Variants in DCDC1 observed in about 807,000 individuals in gnomAD.
The protein encoded by DCDC1 is doublecortin domain-containing protein 1.
A neutral mutation model predicts 178.3 loss-of-function variants in DCDC1; 200 were observed. The ratio of observed to expected loss-of-function variants is 1.12; its 90% CI spans 1.00 to 1.26. The LOEUF (loss-of-function observed/expected upper bound fraction) is 1.26, where lower values mean the gene tolerates loss of function less well. Ranked by LOEUF, DCDC1 falls within the 50% of genes most tolerant of loss-of-function variation. The pLI is 0.00. For missense variants in DCDC1, 1,983 were observed against 1,749.2 expected (o/e 1.13, Z -2.38); for synonymous variants, 690 against 604.8 (o/e 1.14, Z -2.07).
At chr11:31,186,133 C>T (rs971956275) in intron 9 of DCDC1, among the ~76,000 whole-genome samples, 3 of 152,080 alleles carry the variant, frequency 2.0e-5, no homozygotes, top group Non-Finnish European at 4.4e-5. Context: ...TTCCACTACA[C>T]TTACAATAAA....
chr11:30,890,316 TGG>T (rs1478397508), intron 36 of DCDC1, among the ~76,000 whole-genome samples: 2 of 152,246 alleles, frequency 1.3e-5, no homozygotes. Flanking sequence ...TCTCTGTCCA[TGG>T]GGCACCTATT....
chr11:31,292,944 G>C (rs969167441), intron 6 of DCDC1, among the ~76,000 whole-genome samples: 2 of 152,068 alleles, frequency 1.3e-5, no homozygotes, highest in Non-Finnish European at 2.9e-5. Flanking sequence ...TAGATGCTTT[G>C]CATGGTGAAA....
chr11:31,203,742 A>G (rs918471833), intron 9 of DCDC1, among the ~76,000 whole-genome samples: 2 of 152,232 alleles, frequency 1.3e-5, no homozygotes, highest in African/African-American at 2.4e-5. Flanking sequence ...ATATTTTCCA[A>G]TGGTAAGAAA....
chr11:31,333,670 TA>T (rs1186180587), intron 2 of DCDC1, among the ~76,000 whole-genome samples: 1 of 152,200 alleles, frequency 6.6e-6, no homozygotes, highest in Non-Finnish European at 1.5e-5. Context: ...AATTCTGGGT[TA>T]AAAATTCTTT....
At chr11:31,012,188 A>C (rs1019888034) in intron 20 of DCDC1, among the ~76,000 whole-genome samples, 3 of 152,194 alleles carry the variant, frequency 2.0e-5, no homozygotes, top group African/African-American at 7.2e-5. Context: ...AAGCGAATTA[A>C]ACTTCTTTTC....
chr11:31,227,343 G>A (rs1417116374), intron 9 of DCDC1, among the ~76,000 whole-genome samples: 1 of 152,100 alleles, frequency 6.6e-6, no homozygotes, highest in African/African-American at 2.4e-5. Flanking sequence ...GAGCAAGAGA[G>A]AAGGGGGAAG....
Position 30,938,361 on chromosome 11 carries a change from G to A in DCDC1, c.2716-6409C>T, listed in dbSNP as rs538721973. 3.0e-4 allele frequency among the ~76,000 whole-genome samples: 46 copies of A among 152,180 alleles called. No homozygotes were observed. The South Asian group carries it at 3.7e-3, about 12-fold the overall frequency. On this transcript the variant is annotated intron_variant, in intron 21 of 38. Transcript: ENST00000684477. ...CAAAGACGGACAGCTCTGCTGAAAC[G>A]ACAAAGATTCAGCAGCAGCTTTTAT... is the stretch of plus-strand genomic sequence containing the variant.
chr11:30,911,867 C>A (rs901038965), intron 27 of DCDC1, among the ~76,000 whole-genome samples: 53 of 152,176 alleles, frequency 3.5e-4, no homozygotes, highest in African/African-American at 1.3e-3. Flanking sequence ...ACTGCACCCC[C>A]CTATATGTTC....
chr11:31,288,160 T>A (rs1946973301), intron 7 of DCDC1, among the ~76,000 whole-genome samples: 1 of 151,928 alleles, frequency 6.6e-6, no homozygotes, highest in East Asian at 1.9e-4. Context: ...ATAAAACTTA[T>A]CCACCATGAT....
chr11:31,188,406 A>G (rs1969761875), intron 9 of DCDC1, among the ~76,000 whole-genome samples: 1 of 152,202 alleles, frequency 6.6e-6, no homozygotes, highest in African/African-American at 2.4e-5. Context: ...GGAACTAGAG[A>G]TGCCACAGAT....
chr11:30,970,977 G>A (rs1464410755), intron 20 of DCDC1, among the ~76,000 whole-genome samples: 1 of 152,032 alleles, frequency 6.6e-6, no homozygotes, highest in African/African-American at 2.4e-5. Context: ...GCCTGAGGTT[G>A]GGCCCACCCA....
At chr11:31,189,229 G>A (rs1011074102) in intron 9 of DCDC1, among the ~76,000 whole-genome samples, 2 of 152,056 alleles carry the variant, frequency 1.3e-5, no homozygotes, top group African/African-American at 4.8e-5. Flanking sequence ...GCCATGGAAA[G>A]GACCCAAATA....
chr11:31,051,064 C>T (rs1454720908), intron 20 of DCDC1, among the ~76,000 whole-genome samples: 2 of 151,968 alleles, frequency 1.3e-5, no homozygotes. Context: ...AAAGCCCAAT[C>T]CAAGGAAATC....
At chr11:31,309,763 TACC>T (rs1400029587) in intron 3 of DCDC1, among the ~76,000 whole-genome samples, 8 of 152,356 alleles carry the variant, frequency 5.3e-5, no homozygotes, top group South Asian at 4.1e-4. Context: ...TCCATTATTC[TACC>T]ACCACAAGGC....
intron 3 of DCDC1, among the ~76,000 whole-genome samples, chr11:31,316,075 T>A (rs1333403803): frequency 2.0e-5 from 2 of 97,572 alleles, no homozygotes; most frequent in Non-Finnish European, 4.0e-5. Flanking sequence ...TTCGGTTGGT[T>A]CCAAGTCTTT....
intron 16 of DCDC1, among the ~76,000 whole-genome samples, chr11:31,092,017 A>C (rs922423449): frequency 1.2e-4 from 18 of 152,188 alleles, no homozygotes; most frequent in African/African-American, 4.3e-4. Flanking sequence ...TTTTCTGCCA[A>C]GGAAATTAAA....
chr11:30,888,080 GAGAGAA>G lies in DCDC1; in HGVS notation c.5082+4732_5082+4737del, dbSNP rs1331022972. Among the ~76,000 whole-genome samples, 8 of 99,792 alleles carry G rather than the reference GAGAGAA, an allele frequency of 8.0e-5. 1 individual carries two copies. The highest frequency in any genetic ancestry group is 2.6e-4 in the African/African-American group (7 of 26,814). The allele number at this position is 99,792 out of a possible 152,430, so 65.5% of individuals were successfully genotyped here. ...AAAGAAAGAGAGAGAGAGAGAGAGAGAGAGAAAGAAAGAAAGAAAAAGAAAGAAAGA... is the reference window on the plus strand; with the variant it reads ...AAAGAAAGAGAGAGAGAGAGAGAGAGAGAAAGAAAGAAAAAGAAAGAAAGA... On this transcript the variant is annotated intron_variant, in intron 36 of 38. Transcript: ENST00000684477.
At chr11:31,315,646 CTTTTT>C (rs59083470) in intron 3 of DCDC1, among the ~76,000 whole-genome samples, 8 of 112,424 alleles carry the variant, frequency 7.1e-5, no homozygotes, top group African/African-American at 2.6e-4. Flanking sequence ...ATCTGCATAC[CTTTTT>C]TTTTTTTTTT....
intron 6 of DCDC1, among the ~76,000 whole-genome samples, chr11:31,296,820 G>T (rs570669434): frequency 1.3e-5 from 2 of 150,726 alleles, no homozygotes; most frequent in Admixed American, 1.3e-4. Flanking sequence ...ATAAGATCTG[G>T]TGAGAACTCA....
Sources: gnomAD v4.1 joint callset for allele counts (sites outside exome capture counted in the v4.1 genomes callset) on GRCh38, gnomAD v4.1.1 for gene constraint, MANE v1.5 for transcripts, NCBI Gene and HGNC (gene_info 2026-07-23, HGNC 2026-07-21) for gene names.